The following CHD4 variants were observed in gnomAD, a reference collection of about 807,000 sequenced individuals.
The protein encoded by CHD4 is ATP-dependent chromatin remodeler CHD4.
A neutral mutation model predicts 235.5 loss-of-function variants in CHD4; 35 were observed. The observed-to-expected ratio is 0.15, with a 90% CI of 0.11 to 0.20. The LOEUF (loss-of-function observed/expected upper bound fraction) is 0.20. Among genes scored for constraint, CHD4 ranks in the 10% least tolerant of loss-of-function variants. The pLI, the probability that CHD4 is intolerant of heterozygous loss-of-function variation, is 1.00. For missense variants in CHD4, 1,329 were observed against 2,432.3 expected, an observed-to-expected ratio of 0.55 and a Z score of 9.54; for synonymous variants, 900 against 850.2, an observed-to-expected ratio of 1.06 and a Z score of -1.02.
At chr12:6,606,087 G>C (rs966216014) in intron 2 of CHD4, among the ~76,000 whole-genome samples, 187 bp downstream of exon 2, 1 of 152,226 alleles carries the variant, frequency 6.6e-6, no homozygotes, top group Admixed American at 6.5e-5. Context: ...TCCGTGCCCA[G>C]GAGGCACATG....
rs542584311 is a variant in CHD4 at position 6,572,183 on chromosome 12, C to G, written c.5557+891G>C. Among the ~76,000 whole-genome samples, 3 of 151,478 alleles carry G rather than the reference C, an allele frequency of 2.0e-5. No homozygotes were observed. In the South Asian group the frequency reaches 6.3e-4, roughly 32 times the overall value. On this transcript the variant is annotated intron_variant, in intron 38 of 39. Transcript: ENST00000544040. ...GTGGCTCACACCTATAATCCCAGCA[C>G]TTTGGGAGGCGGAGGCGGGTGGATC...
intron 33 of CHD4, 34 bp from the exon 34 acceptor site, chr12:6,578,951 A>C (rs1190118574): frequency 6.3e-7 from 1 of 1,581,196 alleles, no homozygotes; most frequent in South Asian, 1.1e-5. Flanking sequence ...ACTATACCTA[A>C]AGGAAGAACA....
chr12:6,571,215 C>T, intron 38 of CHD4, 183 bp from the exon 39 acceptor site: 1 of 664,124 alleles, frequency 1.5e-6, no homozygotes, highest in Non-Finnish European at 2.5e-6. Flanking sequence ...TCCAACTGTC[C>T]ATGATTTTGT....
At chr12:6,579,521 T>C (rs1214876699) in intron 33 of CHD4, 2 of 155,942 alleles carry the variant, frequency 1.3e-5, no homozygotes, top group Non-Finnish European at 2.8e-5. Context: ...GAGGTGGAGG[T>C]TGCAGTGAGC....
Position 6,578,505 on chromosome 12 carries a change from G to A in CHD4, c.5023C>T (p.Gln1675Ter). 6.2e-7 allele frequency: 1 copy of A among 1,612,998 alleles called. No individual in the cohort carries two copies. Among genetic ancestry groups the A allele is most frequent in the Non-Finnish European group, 8.5e-7 (1 of 1,179,858 alleles). ...AGGTCCTTGGGGGTCTCTCCATTCT[G>A]AAGCATCACCTCTTTTTTCTCTTCT... ...EEEEKKEVML[Q>*]NGETPKDLND... The change falls in exon 35 of 40, where the codon CAG becomes TAG. Residue 1675 changes from glutamine (Q) to a stop codon, truncating the protein, a stop_gained. Coordinates refer to ENST00000544040, the MANE Select transcript of CHD4 (RefSeq NM_001273.5). LOFTEE classifies it high-confidence loss of function.
At chr12:6,572,306 G>T (rs1286474884) in intron 38 of CHD4, among the ~76,000 whole-genome samples, 3 of 150,916 alleles carry the variant, frequency 2.0e-5, no homozygotes, top group African/African-American at 7.3e-5. Flanking sequence ...CATGCCTGTA[G>T]TCCCAGCTAC....
chr12:6,605,349 T>C (rs996732651), intron 2 of CHD4, among the ~76,000 whole-genome samples: 45 of 152,016 alleles, frequency 3.0e-4, no homozygotes, highest in Non-Finnish European at 5.7e-4. Flanking sequence ...AGCTAGGGGC[T>C]CTGAAAAAGG....
chr12:6,605,612 G>A (rs1948680919), intron 2 of CHD4, among the ~76,000 whole-genome samples: 1 of 152,096 alleles, frequency 6.6e-6, no homozygotes, highest in East Asian at 1.9e-4. Flanking sequence ...CCACTCACCA[G>A]GAGGAGGAGT....
intron 37 of CHD4, among the ~76,000 whole-genome samples, chr12:6,574,427 G>A (rs1189119379): frequency 1.3e-5 from 2 of 152,134 alleles, no homozygotes; most frequent in South Asian, 2.1e-4. Flanking sequence ...TCATCTGATG[G>A]AGCTGTATTA....
chr12:6,605,887 T>C (rs1171252420), intron 2 of CHD4, among the ~76,000 whole-genome samples: 5 of 152,200 alleles, frequency 3.3e-5, no homozygotes, highest in Admixed American at 1.3e-4. Flanking sequence ...CTAGCACAGA[T>C]GCCCGGCTGG....
Position 6,601,269 on chromosome 12 carries a change from C to T in CHD4, c.799+20G>A. ...AAGCCCACACTAGACACCCCCACTC[C>T]CATTTGAACCCCATTTCACCTTTGC... On this transcript the variant is annotated intron_variant, in intron 6 of 39. Transcript: ENST00000544040. 1 of 1,609,644 alleles carries T rather than the reference C, an allele frequency of 6.2e-7. No homozygotes were observed. The highest frequency in any genetic ancestry group is 1.7e-5 in the Admixed American group (1 of 59,962).
chr12:6,590,850 C>T (rs1424265711), intron 22 of CHD4, among the ~76,000 whole-genome samples: 2 of 151,968 alleles, frequency 1.3e-5, no homozygotes, highest in African/African-American at 2.4e-5. Flanking sequence ...ACAGGCTGGG[C>T]GTGGTGGCTC....
chr12:6,573,126 C>G lies in CHD4; in HGVS notation c.5505G>C (p.Leu1835=). 6.2e-7 allele frequency: 1 copy of G among 1,611,494 alleles called. No homozygotes were observed. The highest frequency in any genetic ancestry group is 8.5e-7 in the Non-Finnish European group (1 of 1,178,934). The change falls in exon 38 of 40, where the codon CTG becomes CTC. Residue 1835 remains leucine, a synonymous_variant. Transcript: ENST00000544040. ...TGTTTCCTGCCATTGACTCCTTGGACAGGTGCTGATGACTTTCCGCCAAAC... is the reference window on the plus strand; with the variant it reads ...TGTTTCCTGCCATTGACTCCTTGGAGAGGTGCTGATGACTTTCCGCCAAAC... ...VECLAESHQH[L]SKESMAGNKP...
At chr12:6,595,974 A>G in intron 13 of CHD4, 32 bp downstream of exon 13, 1 of 1,476,310 alleles carries the variant, frequency 6.8e-7, no homozygotes, top group South Asian at 1.2e-5. Flanking sequence ...AAAAAAAAGA[A>G]ACAACTCTAT....
intron 1 of CHD4, chr12:6,607,079 A>T: frequency 1.6e-5 from 1 of 63,784 alleles, no homozygotes; most frequent in Non-Finnish European, 3.2e-5. Flanking sequence ...ACCAAGCCGG[A>T]GGCGGGGGGT....
intron 19 of CHD4, 53 bp from the exon 20 acceptor site, chr12:6,592,110 AAT>A: frequency 6.2e-7 from 1 of 1,601,610 alleles, no homozygotes; most frequent in Admixed American, 1.7e-5. Flanking sequence ...TTCAATGACT[AAT>A]AATGCAGTGC....
At chr12:6,606,576 G>C (rs1252485611) in intron 1 of CHD4, 125 bp from the exon 2 acceptor site, 2 of 488,258 alleles carry the variant, frequency 4.1e-6, no homozygotes, top group Non-Finnish European at 7.2e-6. Context: ...AACCGCTCAG[G>C]CTGAACTTAG....
At chr12:6,578,824 A>G (rs978463436) in intron 34 of CHD4, 22 bp downstream of exon 34, 4 of 1,612,634 alleles carry the variant, frequency 2.5e-6, no homozygotes, top group Non-Finnish European at 1.7e-6. Flanking sequence ...CTGAACCACA[A>G]TCAACTTCTC....
chr12:6,599,249 T>C (rs775780080), intron 10 of CHD4, among the ~76,000 whole-genome samples: 6 of 151,990 alleles, frequency 3.9e-5, no homozygotes, highest in South Asian at 2.1e-4. Context: ...CTGGGCAACA[T>C]AGTGAGACCC....
Sources: allele counts gnomAD v4.1 joint callset (sites outside exome capture counted in the v4.1 genomes callset), GRCh38; gene constraint gnomAD v4.1.1; transcripts MANE v1.5; gene names NCBI Gene and HGNC (gene_info 2026-07-23, HGNC 2026-07-21).